SLC7A10: variants seen among roughly 807,000 people sequenced by gnomAD.
SLC7A10 encodes the protein solute carrier family 7 member 10, also known as asc-type amino acid transporter 1.
SLC7A10 carries 30 observed loss-of-function variants against 52.7 expected under a neutral mutation model. The ratio of observed to expected loss-of-function variants is 0.57; its 90% confidence interval spans 0.43 to 0.77. The LOEUF (loss-of-function observed/expected upper bound fraction) is 0.77, where lower values mean the gene tolerates loss of function less well. Among genes scored for constraint, SLC7A10 ranks in the 30% least tolerant of loss-of-function variants. The probability of loss-of-function intolerance (pLI) is 0.00; values close to 1 mark genes in which losing one functional copy is unlikely to be tolerated. For synonymous variants in SLC7A10, 318 were observed against 314.9 expected, an observed-to-expected ratio of 1.01 and a Z score of -0.10; for missense variants, 581 against 698.5, an observed-to-expected ratio of 0.83 and a Z score of 1.90.
Position 33,209,410 on chromosome 19 carries a change from T to C in SLC7A10, c.1339A>G (p.Met447Val), listed in dbSNP as rs1974488862. Residue 447 changes from methionine to valine, a missense_variant, in exon 10 of 11, where the codon ATG becomes GTG. Physicochemically the swap from Met to Val is conservative, Grantham distance 21 (BLOSUM62 1). Transcript: ENST00000253188. ...ATGATGACGCCGACCCCACAGACCA[T>C]AGGCTCTGAGATGAAGCTGAAGACC... ...LLVFSFISEP[M>V]VCGVGVIIIL... is the part of the protein sequence containing the mutation. The C allele has an allele frequency of 1.2e-6, 2 of 1,613,670 alleles. No individual in the cohort carries two copies. Among genetic ancestry groups the C allele is most frequent in the Non-Finnish European group, 1.7e-6 (2 of 1,179,894 alleles).
intron 1 of SLC7A10, among the ~76,000 whole-genome samples, chr19:33,220,552 C>T (rs1269971527): frequency 6.6e-6 from 1 of 151,980 alleles, no homozygotes; most frequent in Non-Finnish European, 1.5e-5. Context: ...GGGCTCAGTC[C>T]TGGGGCTTCT....
In SLC7A10 at chr19:33,225,779, G is replaced by C; in HGVS notation, c.-76C>G. On this transcript the variant is annotated 5_prime_UTR_variant, in exon 1 of 11. Transcript: ENST00000253188. ...CGGCCGCCCGTCGGTCCGTCGGTCC[G>C]TGAGCTCACGGCCCTCGCAGCCGGG... 1 of 1,408,118 alleles carries C rather than the reference G, an allele frequency of 7.1e-7. No individual in the cohort carries two copies. 87.2% of individuals were successfully genotyped at this position (1,408,118 alleles called of 1,614,324 possible).
intron 1 of SLC7A10, among the ~76,000 whole-genome samples, chr19:33,221,785 C>T (rs904225750): frequency 9.2e-5 from 14 of 152,172 alleles, no homozygotes; most frequent in African/African-American, 3.4e-4. Context: ...AGGAGCCGGA[C>T]TCTCAAGTCA....
intron 1 of SLC7A10, among the ~76,000 whole-genome samples, chr19:33,224,919 G>A (rs751019961): frequency 3.3e-5 from 5 of 152,034 alleles, no homozygotes; most frequent in Non-Finnish European, 5.9e-5. Context: ...GCCTTCTGCA[G>A]GCTGGGTCTG....
intron 5 of SLC7A10, 108 bp from the exon 6 acceptor site, chr19:33,211,645 G>T: frequency 2.5e-6 from 4 of 1,589,126 alleles, no homozygotes; most frequent in South Asian, 1.1e-5. Context: ...GTCTGCTGGG[G>T]ATGTTGGGGC....
chr19:33,209,623 T>A, intron 9 of SLC7A10, 138 bp from the exon 10 acceptor site: 1 of 853,690 alleles, frequency 1.2e-6, no homozygotes, highest in Non-Finnish European at 1.8e-6. Flanking sequence ...CTACACCCCC[T>A]CTTGGCGACA....
At chr19:33,214,555 C>T (rs1458324595) in intron 2 of SLC7A10, among the ~76,000 whole-genome samples, 1 of 152,228 alleles carries the variant, frequency 6.6e-6, no homozygotes, top group African/African-American at 2.4e-5. Context: ...CGGCACCTGC[C>T]GTAAACCCAA....
chr19:33,217,938 G>T (rs1449209304), intron 1 of SLC7A10: 2 of 152,156 alleles, frequency 1.3e-5, no homozygotes, highest in African/African-American at 4.8e-5. Context: ...AGAGAGAAGC[G>T]CCTCTCTCAT....
At chr19:33,220,165 G>A (rs936069712) in intron 1 of SLC7A10, 1 of 152,268 alleles carries the variant, frequency 6.6e-6, no homozygotes, top group South Asian at 2.1e-4. Context: ...GCACCCCAAG[G>A]AGGTGAGTGG....
chr19:33,214,942 G>T (rs1229637898), intron 2 of SLC7A10, among the ~76,000 whole-genome samples: 1 of 152,118 alleles, frequency 6.6e-6, no homozygotes, highest in Non-Finnish European at 1.5e-5. Flanking sequence ...ATTCCCTGGT[G>T]AACGAAGGAA....
chr19:33,211,910 T>C (rs1426207185), intron 5 of SLC7A10: 6 of 472,680 alleles, frequency 1.3e-5, no homozygotes, highest in Non-Finnish European at 2.3e-5. Context: ...CCCAGCTCGC[T>C]CAGCTGCAAA....
Position 33,208,778 on chromosome 19 carries a change from G to GT in SLC7A10, c.*112dup. On this transcript the variant is annotated 3_prime_UTR_variant, in exon 11 of 11. Transcript: ENST00000253188. This position sits in a 1 kb window ranked among gnomAD's most constrained non-coding sequence, Gnocchi z 4.7. ...TTCCTTAAACAGGCTTCTGAGAGTC[G>GT]TATCTTTTTTCTTTTTTTTCCAGAA... 1.4e-6 allele frequency: 2 copies of GT among 1,426,828 alleles called. No individual in the cohort carries two copies. Among genetic ancestry groups the GT allele is most frequent in the South Asian group, 2.4e-5 (2 of 82,228 alleles). The allele number at this position is 1,426,828 out of a possible 1,614,324, so 88.4% of individuals were successfully genotyped here. A position where few individuals can be genotyped will look rare whatever the true frequency, so the allele number is the denominator to read the frequency against.
At position 33,210,507 on chromosome 19, in the gene SLC7A10, A is replaced by G. The variant is rs766824316; in HGVS notation, c.1223T>C (p.Leu408Pro). The change falls in exon 9 of 11, where the codon CTG becomes CCG. Residue 408 changes from leucine (L) to proline (P), a missense_variant. Transcript: ENST00000253188. This position sits in a 1 kb window ranked among gnomAD's most constrained non-coding sequence, Gnocchi z 5.6. ...GAGTGCAGGCCGCCTCCAGCGCAGC[A>G]GCAGCAGGCCCAGGATGGTGACGCC... The part of the protein sequence containing the change: ...CYGVTILGLL[L>P]LRWRRPALHR... The G allele has an allele frequency of 2.1e-5, 33 of 1,608,792 alleles. No individual in the cohort carries two copies. The highest frequency in any genetic ancestry group is 2.8e-5 in the Non-Finnish European group (33 of 1,179,696).
intron 9 of SLC7A10, among the ~76,000 whole-genome samples, chr19:33,209,943 A>ATTTT (rs11455629): frequency 1.4e-5 from 2 of 141,960 alleles, no homozygotes; most frequent in Non-Finnish European, 1.5e-5. Context: ...ATTTTCTTTA[A>ATTTT]TTTTTTTTTT....
chr19:33,210,408 T>C lies in SLC7A10; in HGVS notation c.1263+59A>G, dbSNP rs1974516731. ...TCCCACCTGCCCCTGGTGCCCACTG[T>C]GGATGCAGGGGTGGCTCTGGCAGCA... On this transcript the variant is annotated intron_variant, in intron 9 of 10. Transcript: ENST00000253188. The surrounding 1 kb of genome is among the most constrained non-coding windows in gnomAD (Gnocchi z 5.6). 9 of 1,535,160 alleles carry C rather than the reference T, an allele frequency of 5.9e-6. No individual in the cohort carries two copies. The highest frequency in any genetic ancestry group is 7.9e-6 in the Non-Finnish European group (9 of 1,145,222).
At chr19:33,217,415 G>T (rs1035320870) in intron 1 of SLC7A10, among the ~76,000 whole-genome samples, 1 of 152,202 alleles carries the variant, frequency 6.6e-6, no homozygotes, top group Non-Finnish European at 1.5e-5. Flanking sequence ...TGAGCCCTGA[G>T]CTCCGCAAAG....
intron 1 of SLC7A10, among the ~76,000 whole-genome samples, chr19:33,225,112 T>A (rs1227090048): frequency 6.6e-6 from 1 of 152,250 alleles, no homozygotes; most frequent in Non-Finnish European, 1.5e-5. Flanking sequence ...ACCTGGACCC[T>A]GCACACAGTA....
intron 1 of SLC7A10, among the ~76,000 whole-genome samples, chr19:33,216,490 C>T (rs1974687074): frequency 2.6e-5 from 4 of 152,242 alleles, no homozygotes; most frequent in Admixed American, 2.0e-4. Flanking sequence ...GCCACTTTCC[C>T]ACCGGCCAAA....
At chr19:33,223,119 C>A (rs1974847909) in intron 1 of SLC7A10, among the ~76,000 whole-genome samples, 1 of 151,936 alleles carries the variant, frequency 6.6e-6, no homozygotes, top group Non-Finnish European at 1.5e-5. Flanking sequence ...ACCAGCCTGG[C>A]CAACATGGTG....
Sources: gnomAD v4.1 joint callset for allele counts (sites outside exome capture counted in the v4.1 genomes callset) on GRCh38, gnomAD v4.1.1 for gene constraint, Gnocchi (gnomAD v3.1) non-coding constraint, MANE v1.5 for transcripts, NCBI Gene and HGNC (gene_info 2026-07-23, HGNC 2026-07-21) for gene names.